SLC24A4: variants seen among roughly 807,000 people sequenced by gnomAD.
SLC24A4 encodes the protein solute carrier family 24 member 4.
A neutral mutation model predicts 79.0 loss-of-function variants in SLC24A4; 53 were observed. The ratio of observed to expected loss-of-function variants is 0.67; its 90% CI spans 0.54 to 0.84. The LOEUF is 0.84. SLC24A4 is among the 40% of genes least tolerant of loss of function. The pLI is 0.00. For synonymous variants in SLC24A4, 323 were observed against 323.8 expected, an observed-to-expected ratio of 1.00 and a Z score of 0.03; for missense variants, 731 against 822.0, an observed-to-expected ratio of 0.89 and a Z score of 1.35.
chr14:92,444,334 T>C (rs1231151162), intron 7 of SLC24A4, among the ~76,000 whole-genome samples: 2 of 152,102 alleles, frequency 1.3e-5, no homozygotes. Flanking sequence ...ACAAAAACAA[T>C]CTCTGAGACC....
chr14:92,436,925 C>T (rs1020227602), intron 3 of SLC24A4, among the ~76,000 whole-genome samples: 1 of 152,188 alleles, frequency 6.6e-6, no homozygotes, highest in African/African-American at 2.4e-5. Flanking sequence ...TTTTACTTCT[C>T]TTCCCCAAAA....
chr14:92,387,453 A>G (rs1327140397), intron 2 of SLC24A4, among the ~76,000 whole-genome samples: 2 of 152,176 alleles, frequency 1.3e-5, no homozygotes, highest in Non-Finnish European at 2.9e-5. Context: ...CTGGGATTAC[A>G]GGCATGAGCC....
intron 2 of SLC24A4, among the ~76,000 whole-genome samples, chr14:92,361,440 A>C (rs1397740136): frequency 6.6e-6 from 1 of 151,980 alleles, no homozygotes; most frequent in Non-Finnish European, 1.5e-5. Context: ...AGTGACATGA[A>C]TTTCTGGTTG....
At chr14:92,329,536 TTTTTG>T (rs1372394510) in intron 2 of SLC24A4, among the ~76,000 whole-genome samples, 1 of 152,184 alleles carries the variant, frequency 6.6e-6, no homozygotes, top group Non-Finnish European at 1.5e-5. Flanking sequence ...TGTTTGTTTG[TTTTTG>T]TTTTGTTTTG....
At chr14:92,430,578 G>A (rs1891811363) in intron 2 of SLC24A4, among the ~76,000 whole-genome samples, 1 of 152,230 alleles carries the variant, frequency 6.6e-6, no homozygotes, top group African/African-American at 2.4e-5. Flanking sequence ...TCGAGGATGG[G>A]TGCACGGGAG....
At chr14:92,440,295 C>G (rs892610848) in intron 4 of SLC24A4, among the ~76,000 whole-genome samples, 2 of 152,186 alleles carry the variant, frequency 1.3e-5, no homozygotes, top group Non-Finnish European at 2.9e-5. Flanking sequence ...CGCCTCCATC[C>G]AGACGCTTGT....
At chr14:92,338,769 C>T (rs1470919659) in intron 2 of SLC24A4, among the ~76,000 whole-genome samples, 2 of 152,224 alleles carry the variant, frequency 1.3e-5, no homozygotes, top group African/African-American at 2.4e-5. Flanking sequence ...GTCTCCCTGA[C>T]CTCAGGTGGA....
At chr14:92,433,676 A>T (rs147781498) in intron 2 of SLC24A4, among the ~76,000 whole-genome samples, 2 of 152,322 alleles carry the variant, frequency 1.3e-5, no homozygotes, top group African/African-American at 4.8e-5. Context: ...AATGCAAGAC[A>T]TATCTAAAAC....
chr14:92,346,530 A>AG (rs1222439124), intron 2 of SLC24A4, among the ~76,000 whole-genome samples: 5 of 152,224 alleles, frequency 3.3e-5, no homozygotes, highest in Non-Finnish European at 7.3e-5. Context: ...GTCATAAGCG[A>AG]GGGATAGATC....
chr14:92,416,444 A>G (rs1452206883), intron 2 of SLC24A4, among the ~76,000 whole-genome samples: 1 of 152,226 alleles, frequency 6.6e-6, no homozygotes, highest in Non-Finnish European at 1.5e-5. Context: ...AACTGAGGCC[A>G]GCACTGCCAA....
chr14:92,351,236 G>GCGCGCACACACACACA lies in SLC24A4; in HGVS notation c.241+25259_241+25260insGCGCACACACACACAC, dbSNP rs112120101. Among the ~76,000 whole-genome samples the GCGCGCACACACACACA allele has an allele frequency of 3.0e-3, 446 of 147,054 alleles. 2 individuals carry two copies. Among genetic ancestry groups the GCGCGCACACACACACA allele is most frequent in the African/African-American group, 0.011 (425 of 39,958 alleles). ...CTCTCTTTCACACACACACATACAC[G>GCGCGCACACACACACA]CACACACACACACACACACACAAAA... is the stretch of plus-strand genomic sequence containing the variant. On this transcript the variant is annotated intron_variant, in intron 2 of 16. Coordinates refer to ENST00000532405, the MANE Select transcript of SLC24A4 (RefSeq NM_153646.4).
chr14:92,475,278 C>T (rs1393749478), intron 12 of SLC24A4, among the ~76,000 whole-genome samples: 1 of 152,142 alleles, frequency 6.6e-6, no homozygotes, highest in Non-Finnish European at 1.5e-5. Context: ...CTTCAAAATG[C>T]AGAGCAATTA....
intron 2 of SLC24A4, among the ~76,000 whole-genome samples, chr14:92,415,384 A>T (rs1454253252): frequency 6.6e-6 from 1 of 151,996 alleles, no homozygotes; most frequent in East Asian, 1.9e-4. Context: ...GCCGGAATAG[A>T]CTCACAAATG....
chr14:92,373,034 G>T (rs1449828204), intron 2 of SLC24A4, among the ~76,000 whole-genome samples: 1 of 134,658 alleles, frequency 7.4e-6, no homozygotes, highest in African/African-American at 2.8e-5. Context: ...ATGGAGTCTT[G>T]CTCTGTTGCC....
intron 2 of SLC24A4, among the ~76,000 whole-genome samples, chr14:92,339,406 C>A (rs1885999175): frequency 6.6e-6 from 1 of 152,220 alleles, no homozygotes; most frequent in Admixed American, 6.5e-5. Flanking sequence ...AAGTGCTTTG[C>A]ACACATCACT....
At chr14:92,383,984 T>C (rs1889003056) in intron 2 of SLC24A4, among the ~76,000 whole-genome samples, 1 of 152,206 alleles carries the variant, frequency 6.6e-6, no homozygotes, top group South Asian at 2.1e-4. Flanking sequence ...AAGACAGAAT[T>C]AGTCTGGAGC....
At position 92,500,149 on chromosome 14, in the gene SLC24A4, T is replaced by G. The variant is rs146977840; in HGVS notation, c.*6521T>G. On this transcript the variant is annotated 3_prime_UTR_variant, in exon 17 of 17. Transcript: ENST00000532405. The stretch of plus-strand genomic sequence containing the variant: ...CACCGCGCCCCGCCAAGCAGTTGCT[T>G]CTTATGCAACATGTTGGTTGGGACT... 2.0e-5 allele frequency: 3 copies of G among 152,286 alleles called. No homozygotes were observed. Among genetic ancestry groups the G allele is most frequent in the East Asian group, 1.9e-4 (1 of 5,182 alleles). 9.4% of individuals were successfully genotyped at this position (152,286 alleles called of 1,614,324 possible).
At chr14:92,422,870 T>TTGG (rs975286119) in intron 2 of SLC24A4, among the ~76,000 whole-genome samples, 8 of 151,972 alleles carry the variant, frequency 5.3e-5, no homozygotes, top group African/African-American at 1.9e-4. Flanking sequence ...CTGGAGTGCA[T>TTGG]TGGTGCCATC....
At chr14:92,355,159 G>A (rs1887106184) in intron 2 of SLC24A4, among the ~76,000 whole-genome samples, 1 of 152,214 alleles carries the variant, frequency 6.6e-6, no homozygotes, top group Admixed American at 6.5e-5. Flanking sequence ...TTGGGGTGGG[G>A]TGGTTGAAAT....
Sources: gnomAD v4.1 joint callset for allele counts (sites outside exome capture counted in the v4.1 genomes callset) on GRCh38, gnomAD v4.1.1 for gene constraint, MANE v1.5 for transcripts, NCBI Gene and HGNC (gene_info 2026-07-23, HGNC 2026-07-21) for gene names.